SLC12A2: variants seen among roughly 807,000 people sequenced by gnomAD.
SLC12A2 encodes the protein solute carrier family 12 member 2.
SLC12A2 carries 67 observed loss-of-function variants against 136.3 expected under a neutral mutation model. The ratio of observed to expected loss-of-function variants is 0.49; its 90% CI spans 0.40 to 0.60. The LOEUF is 0.60. Ranked by LOEUF, SLC12A2 falls within the 20% of genes least tolerant of loss-of-function variation. The pLI, the probability that SLC12A2 is intolerant of heterozygous loss-of-function variation, is 0.00. For missense variants in SLC12A2, 1,322 were observed against 1,534.7 expected, an observed-to-expected ratio of 0.86 and a Z score of 2.32; for synonymous variants, 619 against 562.9, an observed-to-expected ratio of 1.10 and a Z score of -1.41.
At chr5:128,086,055 T>A (rs1760089991) in intron 1 of SLC12A2, among the ~76,000 whole-genome samples, 1 of 152,192 alleles carries the variant, frequency 6.6e-6, no homozygotes. Context: ...GATATGGAGC[T>A]GGCAATTTTC....
intron 1 of SLC12A2, among the ~76,000 whole-genome samples, chr5:128,099,107 G>GT (rs1020241311): frequency 2.8e-4 from 43 of 152,100 alleles, no homozygotes; most frequent in African/African-American, 8.7e-4. Flanking sequence ...ACATACAGTC[G>GT]TATGTTGCTT....
intron 4 of SLC12A2, among the ~76,000 whole-genome samples, chr5:128,117,140 G>A (rs1761379800): frequency 6.6e-6 from 1 of 152,032 alleles, no homozygotes; most frequent in Non-Finnish European, 1.5e-5. Flanking sequence ...AAGAACCAAC[G>A]GACTTTAGAG....
In SLC12A2 at chr5:128,084,707, A is replaced by G. The variant is rs1242124602; in HGVS notation, c.753A>G (p.Glu251=). The change falls in exon 1 of 27, where the codon GAA becomes GAG. Residue 251 remains glutamate (E), a synonymous_variant. Transcript: ENST00000262461. This position sits in a 1 kb window ranked among gnomAD's most constrained non-coding sequence, Gnocchi z 5.6. ...PSLAELHDEL[E]KEPFEDGFAN... ...TGGCGGAGCTCCACGACGAGCTGGA[A>G]AAGGTGAGCTCGCCCAGCCCTCCCT... is the stretch of plus-strand genomic sequence containing the variant. The G allele has an allele frequency of 4.4e-6, 7 of 1,589,552 alleles. No homozygotes were observed. The South Asian group carries it at 6.8e-5, about 15-fold the overall frequency.
At chr5:128,172,363 C>T in intron 19 of SLC12A2, among the ~76,000 whole-genome samples, 1 of 102,158 alleles carries the variant, frequency 9.8e-6, no homozygotes, top group South Asian at 3.0e-4. Context: ...AATCCACAGA[C>T]CTTTTTCAGA....
intron 1 of SLC12A2, among the ~76,000 whole-genome samples, chr5:128,096,548 A>G (rs1760545206): frequency 6.6e-6 from 1 of 152,070 alleles, no homozygotes; most frequent in Admixed American, 6.6e-5. Context: ...ACCAATTTGA[A>G]TCTCATTATT....
intron 26 of SLC12A2, among the ~76,000 whole-genome samples, chr5:128,185,286 A>ATTCTTATGTTT (rs1183140699): frequency 1.3e-5 from 2 of 152,180 alleles, no homozygotes; most frequent in African/African-American, 2.4e-5. Flanking sequence ...CTGGATCCCC[A>ATTCTTATGTTT]TTCTTATGTT....
In SLC12A2 at chr5:128,084,510, C is replaced by T. The variant is rs752814929; in HGVS notation, c.556C>T (p.His186Tyr). 9 of 1,611,720 alleles carry T rather than the reference C, an allele frequency of 5.6e-6. No individual in the cohort carries two copies. Among genetic ancestry groups the T allele is most frequent in the East Asian group, 2.2e-5 (1 of 44,762 alleles). The change falls in exon 1 of 27, where the codon CAC (histidine) becomes TAC (tyrosine). Residue 186 changes from histidine (H) to tyrosine (Y), a missense_variant. By Grantham distance (83) the His-to-Tyr change is moderately conservative. This residue lies in a region of SLC12A2 where 358 missense variants were observed against 299.7 expected (regional missense o/e 1.19). Transcript: ENST00000262461. This position sits in a 1 kb window ranked among gnomAD's most constrained non-coding sequence, Gnocchi z 5.6. The part of the protein sequence containing the change: ...DTVLSEGSSL[H>Y]SGGGGGSGHH... ...GGTGCTGAGCGAGGGCAGCAGCCTG[C>T]ACTCCGGCGGCGGCGGCGGCAGTGG...
Position 128,167,858 on chromosome 5 carries a change from A to C in SLC12A2, c.2714A>C (p.Asn905Thr). 1 of 1,535,202 alleles carries C rather than the reference A, an allele frequency of 6.5e-7. No individual in the cohort carries two copies. Among genetic ancestry groups the C allele is most frequent in the Non-Finnish European group, 8.9e-7 (1 of 1,127,540 alleles). The change falls in exon 18 of 27, where the codon AAC (asparagine) becomes ACC (threonine). Residue 905 changes from asparagine to threonine, a missense_variant. Physicochemically the swap from Asn to Thr is moderately conservative, Grantham distance 65. This residue lies in a region of SLC12A2 where 226 missense variants were observed against 210.4 expected (regional missense o/e 1.07). Coordinates refer to ENST00000262461, the MANE Select transcript of SLC12A2 (RefSeq NM_001046.3). ...ADMRDVDMYI[N>T]LFHDAFDIQY... is the part of the protein sequence containing the mutation. ...ATGAGGGATGTGGATATGTATATAA[A>C]CTTATTTCAGTAAGTATCTTTTTAA...
intron 10 of SLC12A2, among the ~76,000 whole-genome samples, chr5:128,144,477 T>C (rs1376412527): frequency 1.3e-5 from 2 of 152,284 alleles, no homozygotes; most frequent in African/African-American, 2.4e-5. Flanking sequence ...TAAAGTTATT[T>C]AGGTTATCTT....
intron 4 of SLC12A2, among the ~76,000 whole-genome samples, chr5:128,120,133 G>A (rs1182930483): frequency 1.3e-5 from 2 of 152,156 alleles, no homozygotes; most frequent in African/African-American, 2.4e-5. Flanking sequence ...GGCCATCAGA[G>A]AAACGCAAAC....
Position 128,180,971 on chromosome 5 carries a change from CAGAATAGACCA to C in SLC12A2, c.3190_3200del (p.Arg1064Ter). 6.2e-7 allele frequency: 1 copy of C among 1,605,034 alleles called. No homozygotes were observed. Among genetic ancestry groups the C allele is most frequent in the Non-Finnish European group, 8.5e-7 (1 of 1,172,200 alleles). ...GAGTATTCATTGGTGGAAAGATAAA[CAGAATAGACCA>C]TGACCGGAGAGCGTAAGTTTATTTC... On this transcript the variant is annotated frameshift_variant, in exon 23 of 27. Transcript: ENST00000262461. LOFTEE classifies it high-confidence loss of function.
At chr5:128,151,463 T>C in intron 14 of SLC12A2, 67 bp downstream of exon 14, 5 of 1,377,152 alleles carry the variant, frequency 3.6e-6, no homozygotes, top group Middle Eastern at 1.9e-4. Context: ...CATCTAGAAG[T>C]TCTTTGTTAT....
intron 4 of SLC12A2, among the ~76,000 whole-genome samples, chr5:128,119,061 C>A (rs549114414): frequency 4.2e-4 from 64 of 152,220 alleles, no homozygotes; most frequent in African/African-American, 1.5e-3. Flanking sequence ...ATAAACTATA[C>A]TTCTTGGTGG....
At chr5:128,113,102 A>C (rs949695587) in intron 2 of SLC12A2, among the ~76,000 whole-genome samples, 169 bp downstream of exon 2, 1 of 152,184 alleles carries the variant, frequency 6.6e-6, no homozygotes, top group Non-Finnish European at 1.5e-5. Flanking sequence ...TTGCTTTTGG[A>C]TATTAACTTC....
intron 1 of SLC12A2, among the ~76,000 whole-genome samples, chr5:128,090,209 T>G (rs1406440437): frequency 6.6e-6 from 1 of 152,202 alleles, no homozygotes; most frequent in Non-Finnish European, 1.5e-5. Flanking sequence ...CTTTTAATTT[T>G]TAGCATAAAA....
rs536081067 is a variant in SLC12A2 at position 128,133,939 on chromosome 5, G to C, written c.1189-226G>C. On this transcript the variant is annotated intron_variant, in intron 5 of 26. Coordinates refer to ENST00000262461, the MANE Select transcript of SLC12A2 (RefSeq NM_001046.3). The stretch of plus-strand genomic sequence containing the variant: ...ATTTATTGAGTCTATATTAAATATA[G>C]AAGCATTAATAATCATACATTTATG... 9.9e-4 allele frequency among the ~76,000 whole-genome samples: 151 copies of C among 152,034 alleles called. 1 individual carries two copies. In the South Asian group the frequency reaches 0.017, roughly 17 times the overall value.
chr5:128,105,892 T>G (rs1474874044), intron 1 of SLC12A2, among the ~76,000 whole-genome samples: 1 of 152,194 alleles, frequency 6.6e-6, no homozygotes, highest in Non-Finnish European at 1.5e-5. Flanking sequence ...GCCCCTCTCC[T>G]AAGTTCCAGT....
At chr5:128,166,460 ATGTGTGTGTGTGTGTGTGTGTT>A (rs1205674189) in intron 17 of SLC12A2, among the ~76,000 whole-genome samples, 2 of 150,004 alleles carry the variant, frequency 1.3e-5, no homozygotes, top group Non-Finnish European at 3.0e-5. Flanking sequence ...GGATAAACAA[ATGTGTGTGTGTGTGTGTGTGTT>A]TGTGTGTGTG....
chr5:128,141,512 T>A (rs1561683254), intron 9 of SLC12A2, among the ~76,000 whole-genome samples: 1 of 152,208 alleles, frequency 6.6e-6, no homozygotes, highest in East Asian at 1.9e-4. Context: ...CATATTTACT[T>A]AAGGACATCT....
Sources: gnomAD v4.1 joint callset for allele counts (sites outside exome capture counted in the v4.1 genomes callset) on GRCh38, gnomAD v4.1.1 for gene constraint, gnomAD v4.1.1 regional missense constraint, Gnocchi (gnomAD v3.1) non-coding constraint, MANE v1.5 for transcripts, NCBI Gene and HGNC (gene_info 2026-07-23, HGNC 2026-07-21) for gene names.